SARDH: variants seen among roughly 807,000 people sequenced by gnomAD.
SARDH encodes the protein sarcosine dehydrogenase, mitochondrial.
In SARDH, 95 loss-of-function variants were observed where a neutral mutation model predicts 109.1. The ratio of observed to expected loss-of-function variants is 0.87; its 90% confidence interval spans 0.74 to 1.03. The LOEUF (loss-of-function observed/expected upper bound fraction) is 1.03. Ranked by LOEUF, SARDH falls within the 50% of genes least tolerant of loss-of-function variation. SARDH has a pLI of 0.00. For synonymous variants in SARDH, 572 were observed against 534.8 expected (o/e 1.07, Z -0.96); for missense variants, 1,267 against 1,287.8 (o/e 0.98, Z 0.25).
intron 8 of SARDH, 116 bp downstream of exon 8, chr9:133,717,210 G>A: frequency 7.5e-7 from 1 of 1,334,626 alleles, no homozygotes; most frequent in Non-Finnish European, 1.0e-6. Context: ...AGAGGGACCG[G>A]GGACAGCCCT....
chr9:133,736,815 A>G (rs965973035), intron 1 of SARDH, among the ~76,000 whole-genome samples: 5 of 152,294 alleles, frequency 3.3e-5, no homozygotes, highest in Non-Finnish European at 7.4e-5. Context: ...CTGCAGGAAA[A>G]GTGAAAGGGA....
chr9:133,711,155 A>T (rs572545609), intron 10 of SARDH, among the ~76,000 whole-genome samples: 1 of 152,350 alleles, frequency 6.6e-6, no homozygotes, highest in South Asian at 2.1e-4. Context: ...ATGAGCAAAC[A>T]TCCTGTCTGC....
Position 133,712,683 on chromosome 9 carries a change from GC to G in SARDH, c.1263del (p.Gln422ArgfsTer62). Reference sequence around the variant, plus strand: ...TGGATGATCCAGTGGGCCAGCTCCTGCCCACAGCCACCACCCAGCATCATTC... The same window carrying G: ...TGGATGATCCAGTGGGCCAGCTCCTGCCACAGCCACCACCCAGCATCATTC... Reference protein sequence around the residue: ...SAGMMLGGGCGQELAHWIIHG... With the variant: ...SAGMMLGGGCXQELAHWIIHG... On this transcript the variant is annotated frameshift_variant, in exon 10 of 21. Transcript: ENST00000439388. LOFTEE classifies it high-confidence loss of function. This position sits in a 1 kb window ranked among gnomAD's most constrained non-coding sequence, Gnocchi z 4.1. 6.2e-7 allele frequency: 1 copy of G among 1,609,996 alleles called. No homozygotes were observed.
At chr9:133,672,051 G>T (rs556003536) in intron 17 of SARDH, among the ~76,000 whole-genome samples, 1 of 152,278 alleles carries the variant, frequency 6.6e-6, no homozygotes, top group East Asian at 1.9e-4. Context: ...GGTTCTGCAG[G>T]CTCAAAATCC....
Position 133,671,612 on chromosome 9 carries a change from G to T in SARDH, c.2249C>A (p.Ala750Asp). ...PKASCVPVYR[A>D]VMAAGAKHGL... ...GTGCTTGGCACCCGCGGCCATCACA[G>T]CCCGGTACACAGGCACGCAGGACGC... Residue 750 changes from alanine (A) to aspartate (D), a missense_variant, in exon 18 of 21, where the codon GCT becomes GAT. Transcript: ENST00000439388. 1.2e-6 allele frequency: 2 copies of T among 1,603,460 alleles called. No individual in the cohort carries two copies. The highest frequency in any genetic ancestry group is 4.5e-5 in the East Asian group (2 of 44,480).
chr9:133,663,503 A>G (rs3025442), downstream of SARDH: 26 of 257,962 alleles, frequency 1.0e-4, no homozygotes, highest in African/African-American at 5.6e-4. Context: ...GCCCCAGGGA[A>G]GCCCGCCACC....
rs577984584 is a variant in SARDH, at chr9:133,699,076, G to A, written c.1669-2715C>T. Reference sequence around the variant, plus strand: ...AATAATAAAAAGACAGTCGGCTGCGGTGGCTCATGCCTGTAATCCCAGCAC... The same window carrying A: ...AATAATAAAAAGACAGTCGGCTGCGATGGCTCATGCCTGTAATCCCAGCAC... On this transcript the variant is annotated intron_variant, in intron 13 of 20. Coordinates refer to ENST00000439388, the MANE Select transcript of SARDH (RefSeq NM_001134707.2). Among the ~76,000 whole-genome samples, 4 of 152,364 alleles carry A rather than the reference G, an allele frequency of 2.6e-5. No individual in the cohort carries two copies. The South Asian group carries it at 8.3e-4, about 32-fold the overall frequency.
chr9:133,711,440 A>G (rs1831914544), intron 10 of SARDH, among the ~76,000 whole-genome samples: 2 of 152,190 alleles, frequency 1.3e-5, no homozygotes, highest in Non-Finnish European at 2.9e-5. Flanking sequence ...CCTTCCTTGA[A>G]GTCCTTTACA....
chr9:133,729,968 G>C (rs1009946285), intron 5 of SARDH, 96 bp downstream of exon 5: 7 of 1,589,464 alleles, frequency 4.4e-6, no homozygotes, highest in Non-Finnish European at 5.2e-6. Context: ...CCTAGCAGGG[G>C]CTCCCCACCC....
At chr9:133,668,156 G>GC (rs1434626012) in intron 19 of SARDH, among the ~76,000 whole-genome samples, 1 of 151,820 alleles carries the variant, frequency 6.6e-6, no homozygotes, top group East Asian at 1.9e-4. Context: ...TCTGCAAGGG[G>GC]CCCCCTCTCC....
At position 133,674,046 on chromosome 9, in the gene SARDH, G is replaced by A. The variant is rs536971846; in HGVS notation, c.2164-2349C>T. Among the ~76,000 whole-genome samples, 47 of 152,330 alleles carry A rather than the reference G, an allele frequency of 3.1e-4. No individual in the cohort carries two copies. The South Asian group carries it at 7.0e-3, about 23-fold the overall frequency. On this transcript the variant is annotated intron_variant, in intron 17 of 20. Transcript: ENST00000439388. ...AAAACGGGGGCCACACCTGCTTCCT[G>A]CCAAAGAGAGGGAGGCTGGGGAAAT... is the stretch of plus-strand genomic sequence containing the variant.
chr9:133,685,145 A>C (rs1396855824), intron 17 of SARDH, 48 bp downstream of exon 17: 1 of 1,555,052 alleles, frequency 6.4e-7, no homozygotes, highest in Non-Finnish European at 8.8e-7. Flanking sequence ...CACCCCTCAC[A>C]CCATGCTGCC....
At chr9:133,675,539 G>C (rs117040092) in intron 17 of SARDH, among the ~76,000 whole-genome samples, 3,125 of 152,310 alleles carry the variant, frequency 0.021, 46 homozygotes, top group South Asian at 0.034. Context: ...AAAGTAACGA[G>C]TGTTGGTGAG....
chr9:133,677,030 T>G (rs1458782007), intron 17 of SARDH, among the ~76,000 whole-genome samples: 1 of 151,990 alleles, frequency 6.6e-6, no homozygotes, highest in African/African-American at 2.4e-5. Context: ...TCCCAGCTAC[T>G]TGGGAGGCTG....
At chr9:133,694,031 G>C (rs886527408) in intron 15 of SARDH, among the ~76,000 whole-genome samples, 4 of 152,242 alleles carry the variant, frequency 2.6e-5, no homozygotes, top group Admixed American at 6.5e-5. Flanking sequence ...GACAGGTTCA[G>C]AGATGCAATC....
chr9:133,677,137 G>A (rs561676189), intron 17 of SARDH, among the ~76,000 whole-genome samples: 14 of 152,118 alleles, frequency 9.2e-5, no homozygotes, highest in Admixed American at 5.9e-4. Flanking sequence ...AGACTCCATC[G>A]CAAATACATA....
At chr9:133,702,859 G>T in intron 13 of SARDH, 57 bp downstream of exon 13, 2 of 1,531,530 alleles carry the variant, frequency 1.3e-6, no homozygotes, top group Non-Finnish European at 1.8e-6. Flanking sequence ...CGGCGCAATG[G>T]CTTATCTGAG....
Position 133,704,508 on chromosome 9 carries a change from G to A in SARDH, c.1554+440C>T, listed in dbSNP as rs1831614392. 6.6e-6 allele frequency among the ~76,000 whole-genome samples: 1 copy of A among 152,194 alleles called. No individual in the cohort carries two copies. Among genetic ancestry groups the A allele is most frequent in the African/African-American group, 2.4e-5 (1 of 41,454 alleles). On this transcript the variant is annotated intron_variant, in intron 12 of 20. Transcript: ENST00000439388. This position sits in a 1 kb window ranked among gnomAD's most constrained non-coding sequence, Gnocchi z 4.5. The stretch of plus-strand genomic sequence containing the variant: ...CCTCCACTGGGAAACTGAGCACCCT[G>A]GGTGCATCAACCTGCCCAGTGCCTG...
At chr9:133,733,792 C>A in intron 2 of SARDH, 51 bp downstream of exon 2, 1 of 1,400,696 alleles carries the variant, frequency 7.1e-7, no homozygotes, top group Non-Finnish European at 9.4e-7. Context: ...GGGCTGTGGC[C>A]CCTCGCTATG....
Sources: gnomAD v4.1 joint callset for allele counts (sites outside exome capture counted in the v4.1 genomes callset) on GRCh38, gnomAD v4.1.1 for gene constraint, Gnocchi (gnomAD v3.1) non-coding constraint, MANE v1.5 for transcripts, NCBI Gene and HGNC (gene_info 2026-07-23, HGNC 2026-07-21) for gene names.